The following CORO2A variants were observed in gnomAD, a reference collection of about 807,000 sequenced individuals.
The protein encoded by CORO2A is coronin 2A.
A neutral mutation model predicts 62.4 loss-of-function variants in CORO2A; 47 were observed. The ratio of observed to expected loss-of-function variants is 0.75; its 90% confidence interval spans 0.60 to 0.96. CORO2A has a LOEUF of 0.96. Among genes scored for constraint, CORO2A ranks in the 40% least tolerant of loss-of-function variants. The pLI is 0.00. For synonymous variants in CORO2A, 273 were observed against 268.9 expected (o/e 1.02, Z -0.15); for missense variants, 610 against 684.1 (o/e 0.89, Z 1.21).
chr9:98,134,098 T>C (rs1429527707), intron 4 of CORO2A, among the ~76,000 whole-genome samples: 1 of 152,122 alleles, frequency 6.6e-6, no homozygotes, highest in Non-Finnish European at 1.5e-5. Flanking sequence ...GGTGTCTCTG[T>C]AAACCCCTAT....
intron 10 of CORO2A, among the ~76,000 whole-genome samples, chr9:98,127,650 TA>T (rs914326306): frequency 6.6e-6 from 1 of 151,678 alleles, no homozygotes; most frequent in African/African-American, 2.4e-5. Flanking sequence ...CCATCTCTAC[TA>T]AAAATACGAA....
At chr9:98,168,442 C>T (rs1827990519) in intron 1 of CORO2A, among the ~76,000 whole-genome samples, 1 of 152,198 alleles carries the variant, frequency 6.6e-6, no homozygotes, top group African/African-American at 2.4e-5. Flanking sequence ...AACCCTCATG[C>T]AAGTACTGTC....
At chr9:98,171,735 G>A (rs1176710262) in intron 1 of CORO2A, among the ~76,000 whole-genome samples, 2 of 151,970 alleles carry the variant, frequency 1.3e-5, no homozygotes, top group African/African-American at 4.8e-5. Context: ...GGTGTGCGGA[G>A]ATGGAGCCAG....
chr9:98,132,976 C>A, intron 5 of CORO2A, 62 bp downstream of exon 5: 1 of 1,580,068 alleles, frequency 6.3e-7, no homozygotes, highest in South Asian at 1.1e-5. Flanking sequence ...TGAAGCCTCT[C>A]TCTGTCCCCA....
intron 1 of CORO2A, among the ~76,000 whole-genome samples, chr9:98,179,730 C>T (rs1303202401): frequency 3.3e-5 from 5 of 152,092 alleles, no homozygotes; most frequent in African/African-American, 4.8e-5. Context: ...ATAGGCCAGG[C>T]GCGGTGGCTC....
intron 1 of CORO2A, among the ~76,000 whole-genome samples, chr9:98,182,698 G>A (rs940612504): frequency 6.6e-6 from 1 of 152,174 alleles, no homozygotes; most frequent in African/African-American, 2.4e-5. Flanking sequence ...CTGGGCTCCT[G>A]CCTCCTTATC....
At chr9:98,182,200 C>A (rs1588016222) in intron 1 of CORO2A, among the ~76,000 whole-genome samples, 1 of 152,188 alleles carries the variant, frequency 6.6e-6, no homozygotes, top group African/African-American at 2.4e-5. Flanking sequence ...GCTTTACATA[C>A]AGAAAGTAAT....
At chr9:98,189,164 T>C (rs951958510) in intron 1 of CORO2A, among the ~76,000 whole-genome samples, 1 of 152,164 alleles carries the variant, frequency 6.6e-6, no homozygotes. Context: ...AAAAGTCACA[T>C]ACTGGCCGTT....
chr9:98,172,064 G>A (rs1828044316), intron 1 of CORO2A, among the ~76,000 whole-genome samples: 1 of 152,040 alleles, frequency 6.6e-6, no homozygotes, highest in African/African-American at 2.4e-5. Flanking sequence ...ACCCCATGAG[G>A]AGGAGGGAGA....
At position 98,130,955 on chromosome 9, in the gene CORO2A, C is replaced by A. The variant is rs995924367; in HGVS notation, c.870G>T (p.Lys290Asn). The A allele has an allele frequency of 2.5e-6, 4 of 1,613,116 alleles. No homozygotes were observed. The highest frequency in any genetic ancestry group is 1.7e-5 in the Admixed American group (1 of 59,932). ...ADTSMLYVVGKGDGNIRYYEV... is the reference protein window; with the variant it reads ...ADTSMLYVVGNGDGNIRYYEV... ...CACCTCCCTCCCGTGCCAAGCCGAC[C>A]TTCCCCACCACGTAGAGCATGCTGG... is the stretch of plus-strand genomic sequence containing the variant. Residue 290 changes from lysine (K) to asparagine (N), a missense_variant and splice_region_variant, in exon 7 of 12, where the codon AAG becomes AAT. Lys to Asn is a moderately conservative substitution (Grantham distance 94). Transcript: ENST00000375077.
intron 1 of CORO2A, among the ~76,000 whole-genome samples, chr9:98,159,544 T>A (rs1175990271): frequency 6.6e-6 from 1 of 151,424 alleles, no homozygotes; most frequent in Non-Finnish European, 1.5e-5. Context: ...TCTTTGCCCG[T>A]CCCTCTCCTT....
chr9:98,147,245 A>T (rs1018888655), intron 2 of CORO2A, among the ~76,000 whole-genome samples: 3 of 152,142 alleles, frequency 2.0e-5, no homozygotes, highest in Non-Finnish European at 2.9e-5. Flanking sequence ...GAATCAGGTG[A>T]CACAAGAGTT....
chr9:98,154,369 A>T lies in CORO2A; in HGVS notation c.201+3091T>A, dbSNP rs536675063. 1.1e-4 allele frequency among the ~76,000 whole-genome samples: 16 copies of T among 146,090 alleles called. No homozygotes were observed. In the South Asian group the frequency reaches 3.4e-3, roughly 31 times the overall value. ...TATATATATACACAAATACATATAT[A>T]TATATATTTTAAATATATGTATGTA... On this transcript the variant is annotated intron_variant, in intron 2 of 11. Transcript: ENST00000375077.
At chr9:98,188,702 G>A (rs1828268274) in intron 1 of CORO2A, among the ~76,000 whole-genome samples, 5 of 152,118 alleles carry the variant, frequency 3.3e-5, no homozygotes, top group Admixed American at 3.3e-4. Flanking sequence ...AGGCAGAGGC[G>A]GAGGTTGCCG....
intron 10 of CORO2A, chr9:98,127,056 C>CTGAAGCA (rs1432794488): frequency 1.7e-6 from 1 of 589,034 alleles, no homozygotes; most frequent in Non-Finnish European, 3.0e-6. Flanking sequence ...AGGAACAGCA[C>CTGAAGCA]GGTGCGTGCA....
intron 1 of CORO2A, among the ~76,000 whole-genome samples, chr9:98,183,288 C>A (rs1828200176): frequency 2.0e-5 from 3 of 152,222 alleles, no homozygotes; most frequent in Admixed American, 6.5e-5. Flanking sequence ...CACCCAAAAC[C>A]CCAAGTCTTT....
At chr9:98,138,433 G>T (rs1316819622) in intron 2 of CORO2A, among the ~76,000 whole-genome samples, 1 of 150,948 alleles carries the variant, frequency 6.6e-6, no homozygotes, top group Non-Finnish European at 1.5e-5. Context: ...AAAAGAAACT[G>T]GTTCACCAAT....
intron 2 of CORO2A, among the ~76,000 whole-genome samples, chr9:98,154,051 A>G (rs80277213): frequency 0.016 from 2,417 of 152,156 alleles, 101 homozygotes; most frequent in Admixed American, 0.093. Context: ...AATAAATCCA[A>G]CTTGGTCAGA....
chr9:98,177,143 T>C (rs573400419), intron 1 of CORO2A, among the ~76,000 whole-genome samples: 1 of 152,258 alleles, frequency 6.6e-6, no homozygotes, highest in Admixed American at 6.5e-5. Flanking sequence ...GAGAGTGCTT[T>C]AGGCTGGGAA....
Sources: gnomAD v4.1 joint callset for allele counts (sites outside exome capture counted in the v4.1 genomes callset) on GRCh38, gnomAD v4.1.1 for gene constraint, MANE v1.5 for transcripts, NCBI Gene and HGNC (gene_info 2026-07-23, HGNC 2026-07-21) for gene names.